FNDC3B: variants seen among roughly 807,000 people sequenced by gnomAD.
The protein encoded by FNDC3B is fibronectin type III domain containing 3B.
A neutral mutation model predicts 151.5 loss-of-function variants in FNDC3B; 12 were observed. The ratio of observed to expected loss-of-function variants is 0.08; its 90% CI spans 0.05 to 0.13. The LOEUF is 0.13. Among genes scored for constraint, FNDC3B ranks in the 10% least tolerant of loss-of-function variants. The pLI, the probability that FNDC3B is intolerant of heterozygous loss-of-function variation, is 1.00. For synonymous variants in FNDC3B, 528 were observed against 549.0 expected (o/e 0.96, Z 0.54); for missense variants, 1,214 against 1,505.3 (o/e 0.81, Z 3.20).
At chr3:172,154,580 G>A (rs912827670) in intron 3 of FNDC3B, among the ~76,000 whole-genome samples, 7 of 152,166 alleles carry the variant, frequency 4.6e-5, no homozygotes, top group African/African-American at 1.7e-4. Flanking sequence ...TGTACAAAAC[G>A]TGCAGGTGGA....
intron 1 of FNDC3B, among the ~76,000 whole-genome samples, chr3:172,100,123 A>T (rs193023988): frequency 2.3e-4 from 35 of 152,356 alleles, no homozygotes; most frequent in African/African-American, 8.4e-4. Flanking sequence ...TTTATACCAA[A>T]GCTGAAATTT....
chr3:172,254,404 C>A lies in FNDC3B; in HGVS notation c.790+2863C>A, dbSNP rs1380107275. Among the ~76,000 whole-genome samples the A allele has an allele frequency of 2.6e-5, 4 of 151,544 alleles. No individual in the cohort carries two copies. In the South Asian group the frequency reaches 6.2e-4, roughly 24 times the overall value. ...TCCATTGGGGATAATGTATAATCAG[C>A]CAAGATAGAAAATTATTATACTATC... On this transcript the variant is annotated intron_variant, in intron 6 of 25. Transcript: ENST00000415807.
At chr3:172,088,580 T>A (rs1718664259) in intron 1 of FNDC3B, among the ~76,000 whole-genome samples, 1 of 152,266 alleles carries the variant, frequency 6.6e-6, no homozygotes, top group East Asian at 1.9e-4. Context: ...ATGTTTGAAA[T>A]GTTTTGTACA....
intron 4 of FNDC3B, among the ~76,000 whole-genome samples, chr3:172,236,712 T>C (rs1225916408): frequency 6.6e-6 from 1 of 152,180 alleles, no homozygotes; most frequent in Non-Finnish European, 1.5e-5. Flanking sequence ...CTCTGGGCTA[T>C]AGTAAAGTGG....
intron 1 of FNDC3B, among the ~76,000 whole-genome samples, chr3:172,109,172 T>TC (rs1199288938): frequency 6.7e-6 from 1 of 149,656 alleles, no homozygotes; most frequent in African/African-American, 2.5e-5. Context: ...TTCTTTTTTT[T>TC]TTTTTTTTTT....
At chr3:172,316,939 A>G (rs1191970815) in intron 11 of FNDC3B, among the ~76,000 whole-genome samples, 1 of 152,212 alleles carries the variant, frequency 6.6e-6, no homozygotes, top group African/African-American at 2.4e-5. Context: ...GTATCTGGCA[A>G]GGGCCTTCTT....
intron 23 of FNDC3B, among the ~76,000 whole-genome samples, chr3:172,365,602 TC>T (rs1560101736): frequency 6.6e-6 from 1 of 152,186 alleles, no homozygotes; most frequent in South Asian, 2.1e-4. Flanking sequence ...AAAGGATTTT[TC>T]CCCCAGAATA....
intron 3 of FNDC3B, among the ~76,000 whole-genome samples, chr3:172,159,632 T>C (rs1722669698): frequency 6.6e-6 from 1 of 152,202 alleles, no homozygotes; most frequent in Non-Finnish European, 1.5e-5. Flanking sequence ...GTAATTTGGT[T>C]TGTAAGTCTA....
At chr3:172,215,212 T>C (rs889136348) in intron 3 of FNDC3B, among the ~76,000 whole-genome samples, 2 of 152,234 alleles carry the variant, frequency 1.3e-5, no homozygotes, top group Non-Finnish European at 2.9e-5. Flanking sequence ...TGCCCATGAG[T>C]TCTTCATGGA....
At chr3:172,123,024 T>C (rs913058901) in intron 2 of FNDC3B, among the ~76,000 whole-genome samples, 1 of 152,158 alleles carries the variant, frequency 6.6e-6, no homozygotes, top group Non-Finnish European at 1.5e-5. Flanking sequence ...TTACATGACT[T>C]TTAGTTTTCA....
rs568072480 is a variant in FNDC3B, at chr3:172,204,973, G to A, written c.188-21898G>A. Among the ~76,000 whole-genome samples, 15 of 152,268 alleles carry A rather than the reference G, an allele frequency of 9.9e-5. No homozygotes were observed. In the South Asian group the frequency reaches 1.2e-3, roughly 13 times the overall value. On this transcript the variant is annotated intron_variant, in intron 3 of 25. Coordinates refer to ENST00000415807, the MANE Select transcript of FNDC3B (RefSeq NM_022763.4). ...TGTTCAACACTGAACAGCTTCACTCGGCATTGTAGTGGAAATGGAGAGAGA... is the reference window on the plus strand; with the variant it reads ...TGTTCAACACTGAACAGCTTCACTCAGCATTGTAGTGGAAATGGAGAGAGA...
At chr3:172,309,254 G>T (rs1731344324) in intron 10 of FNDC3B, among the ~76,000 whole-genome samples, 1 of 152,228 alleles carries the variant, frequency 6.6e-6, no homozygotes, top group Admixed American at 6.5e-5. Flanking sequence ...CTGGCTGCCA[G>T]TCTGTCCTTG....
intron 1 of FNDC3B, among the ~76,000 whole-genome samples, chr3:172,065,235 G>A (rs1717434105): frequency 6.6e-6 from 1 of 152,230 alleles, no homozygotes; most frequent in Admixed American, 6.5e-5. Context: ...AGGAGTCTGA[G>A]GCAGGAGAAT....
intron 4 of FNDC3B, among the ~76,000 whole-genome samples, chr3:172,238,034 CTA>C (rs1028652615): frequency 7.2e-5 from 11 of 152,150 alleles, no homozygotes; most frequent in African/African-American, 2.7e-4. Flanking sequence ...TATTTCATCA[CTA>C]TTAGCCATTT....
chr3:172,346,990 C>T (rs567126854), intron 20 of FNDC3B, among the ~76,000 whole-genome samples: 93 of 152,268 alleles, frequency 6.1e-4, no homozygotes, highest in Non-Finnish European at 1.0e-3. Context: ...AGGCATGAGC[C>T]GCCGCACCTG....
intron 21 of FNDC3B, among the ~76,000 whole-genome samples, chr3:172,350,909 G>C (rs1416671858): frequency 6.6e-6 from 1 of 152,174 alleles, no homozygotes; most frequent in South Asian, 2.1e-4. Flanking sequence ...CTCATAAGCT[G>C]TCCAATAAGC....
chr3:172,146,496 A>G (rs1721914584), intron 3 of FNDC3B, among the ~76,000 whole-genome samples: 1 of 152,292 alleles, frequency 6.6e-6, no homozygotes, highest in South Asian at 2.1e-4. Flanking sequence ...GTCAGATTGT[A>G]AGGGTTGGGG....
At chr3:172,330,492 A>G in intron 12 of FNDC3B, 49 bp from the exon 13 acceptor site, 1 of 1,523,304 alleles carries the variant, frequency 6.6e-7, no homozygotes, top group Non-Finnish European at 9.0e-7. Flanking sequence ...TAAAATGCCA[A>G]GCCTCTTCAC....
Position 172,366,233 on chromosome 3 carries a change from T to C in FNDC3B, c.3008+3388T>C, listed in dbSNP as rs552199216. 2.0e-5 allele frequency among the ~76,000 whole-genome samples: 3 copies of C among 152,324 alleles called. No homozygotes were observed. In the South Asian group the frequency reaches 6.2e-4, roughly 32 times the overall value. On this transcript the variant is annotated intron_variant, in intron 23 of 25. Transcript: ENST00000415807. ...CAGAAAATTTGAAATGACCAAGAGA[T>C]TTACAAATGCAATGTTCAGCCAAAA...
Sources: allele counts gnomAD v4.1 joint callset (sites outside exome capture counted in the v4.1 genomes callset), GRCh38; gene constraint gnomAD v4.1.1; transcripts MANE v1.5; gene names NCBI Gene and HGNC (gene_info 2026-07-23, HGNC 2026-07-21).